SLC38A12: variants seen among roughly 807,000 people sequenced by gnomAD.
SLC38A12 encodes solute carrier family 38 member 12.
the SLC38A12 span, chr17:74,785,481 G>C: frequency 1.2e-6 from 2 of 1,609,374 alleles, no homozygotes; most frequent in Non-Finnish European, 1.7e-6. Flanking sequence ...GTCGGTTCCA[G>C]GTTGGGCTGG....
the SLC38A12 span, chr17:74,777,715 T>C: frequency 1.2e-6 from 1 of 848,728 alleles, no homozygotes; most frequent in Non-Finnish European, 1.7e-6. Flanking sequence ...AGGTCAGGAG[T>C]TCAAGACCAG....
the SLC38A12 span, chr17:74,777,648 G>A: frequency 1.3e-5 from 18 of 1,405,298 alleles, no homozygotes; most frequent in African/African-American, 1.1e-4. Context: ...GGCTGGGCAC[G>A]GTGGCTCACG....
At chr17:74,795,397 C>A in the SLC38A12 span, 1 of 799,560 alleles carries the variant, frequency 1.3e-6, no homozygotes, top group South Asian at 1.8e-5. Flanking sequence ...AGATGCATCC[C>A]GCAAAGTGGT....
the SLC38A12 span, among the ~76,000 whole-genome samples, chr17:74,832,799 A>C: frequency 6.6e-6 from 1 of 152,136 alleles, no homozygotes; most frequent in South Asian, 2.1e-4. Flanking sequence ...CTCTGGAATC[A>C]CCTCCCAAGA....
At chr17:74,802,205 C>T in the SLC38A12 span, among the ~76,000 whole-genome samples, 1 of 152,214 alleles carries the variant, frequency 6.6e-6, no homozygotes, top group Admixed American at 6.5e-5. Context: ...ATGTCACTCT[C>T]AGGGACGTGG....
the SLC38A12 span, chr17:74,838,985 A>C: frequency 3.9e-6 from 6 of 1,535,626 alleles, no homozygotes; most frequent in Non-Finnish European, 4.4e-6. Context: ...TAAACTCAAC[A>C]GCCTCTACCC....
the SLC38A12 span, among the ~76,000 whole-genome samples, chr17:74,809,125 A>G: frequency 6.6e-6 from 1 of 152,286 alleles, no homozygotes; most frequent in African/African-American, 2.4e-5. Flanking sequence ...CTAACTAAGA[A>G]ATTGAGCATG....
At chr17:74,811,443 A>G in the SLC38A12 span, among the ~76,000 whole-genome samples, 1 of 151,910 alleles carries the variant, frequency 6.6e-6, no homozygotes, top group Non-Finnish European at 1.5e-5. Context: ...CAGGCTGGCC[A>G]GGCATGGTGG....
the SLC38A12 span, among the ~76,000 whole-genome samples, chr17:74,792,684 G>A: frequency 6.6e-6 from 1 of 152,216 alleles, no homozygotes; most frequent in Non-Finnish European, 1.5e-5. Flanking sequence ...GTAGGAACTA[G>A]AATCTCTTTG....
chr17:74,809,366 C>T, the SLC38A12 span, among the ~76,000 whole-genome samples: 6 of 152,166 alleles, frequency 3.9e-5, no homozygotes, highest in East Asian at 1.9e-4. Flanking sequence ...GTTGTCTCCT[C>T]ACTGACAGGG....
At chr17:74,835,263 C>A in the SLC38A12 span, among the ~76,000 whole-genome samples, 1 of 152,196 alleles carries the variant, frequency 6.6e-6, no homozygotes, top group Admixed American at 6.5e-5. Flanking sequence ...CTCGGCAGTC[C>A]GCAGCCTTGG....
the SLC38A12 span, among the ~76,000 whole-genome samples, chr17:74,835,413 C>T: frequency 6.6e-6 from 1 of 152,178 alleles, no homozygotes; most frequent in African/African-American, 2.4e-5. Context: ...TGCCCTCGGC[C>T]CAGGAGGACA....
chr17:74,812,298 T>C, the SLC38A12 span, among the ~76,000 whole-genome samples: 1 of 152,198 alleles, frequency 6.6e-6, no homozygotes, highest in African/African-American at 2.4e-5. Flanking sequence ...CACGTGACCC[T>C]GAAGCCTGTG....
chr17:74,798,184 CTCT>C, the SLC38A12 span, among the ~76,000 whole-genome samples: 1 of 152,242 alleles, frequency 6.6e-6, no homozygotes. Context: ...TGCTAATAAT[CTCT>C]TCTTCATTGC....
At chr17:74,793,216 G>A in the SLC38A12 span, among the ~76,000 whole-genome samples, 1 of 152,180 alleles carries the variant, frequency 6.6e-6, no homozygotes, top group Non-Finnish European at 1.5e-5. Flanking sequence ...TTGGGCTGGG[G>A]AATTCCTCCT....
chr17:74,776,865 G>A, the SLC38A12 span, among the ~76,000 whole-genome samples: 1 of 152,228 alleles, frequency 6.6e-6, no homozygotes. Context: ...CTAGGCAGAG[G>A]CGGCAGACAG....
the SLC38A12 span, among the ~76,000 whole-genome samples, chr17:74,786,306 G>A: frequency 2.6e-5 from 4 of 151,778 alleles, no homozygotes; most frequent in Non-Finnish European, 4.4e-5. Flanking sequence ...TCTCTCAACC[G>A]GGTAGGAATC....
At chr17:74,824,958 T>C in the SLC38A12 span, among the ~76,000 whole-genome samples, 2 of 152,294 alleles carry the variant, frequency 1.3e-5, no homozygotes, top group East Asian at 3.9e-4. Context: ...TGTTTACCTG[T>C]CTCCAAACCC....
the SLC38A12 span, among the ~76,000 whole-genome samples, chr17:74,819,521 A>C: frequency 4.6e-4 from 70 of 152,330 alleles, no homozygotes; most frequent in African/African-American, 1.6e-3. Flanking sequence ...CATTGTCGGA[A>C]CAGTACATGT....
Sources: gnomAD v4.1 joint callset for allele counts (sites outside exome capture counted in the v4.1 genomes callset) on GRCh38, gnomAD v4.1.1 for gene constraint, MANE v1.5 for transcripts, NCBI Gene and HGNC (gene_info 2026-07-23, HGNC 2026-07-21) for gene names.